Variants in KCNIP4 observed in about 807,000 individuals in gnomAD.
KCNIP4 encodes Kv channel-interacting protein 4.
A neutral mutation model predicts 34.0 loss-of-function variants in KCNIP4; 12 were observed. The ratio of observed to expected loss-of-function variants is 0.35; its 90% CI spans 0.23 to 0.57. The LOEUF (loss-of-function observed/expected upper bound fraction) is 0.57. Among genes scored for constraint, KCNIP4 ranks in the 20% least tolerant of loss-of-function variants. The pLI is 0.83. For missense variants in KCNIP4, 238 were observed against 311.7 expected (o/e 0.76, Z 1.78); for synonymous variants, 124 against 102.2 (o/e 1.21, Z -1.29).
At chr4:20,950,884 T>G (rs1284535343) in intron 1 of KCNIP4, among the ~76,000 whole-genome samples, 1 of 152,130 alleles carries the variant, frequency 6.6e-6, no homozygotes, top group Non-Finnish European at 1.5e-5. Context: ...TCTTCCCCCA[T>G]TCTCCATTTT....
intron 1 of KCNIP4, among the ~76,000 whole-genome samples, chr4:21,570,046 G>A (rs16871476): frequency 0.065 from 9,848 of 152,098 alleles, 378 homozygotes; most frequent in Non-Finnish European, 0.089. Context: ...TGAAGCCATC[G>A]TTGTCTGCCT....
At chr4:20,946,781 A>G (rs116544986) in intron 1 of KCNIP4, among the ~76,000 whole-genome samples, 1,974 of 152,284 alleles carry the variant, frequency 0.013, 50 homozygotes, top group African/African-American at 0.045. Context: ...AGTACAGGAT[A>G]CCTATTCCAA....
intron 1 of KCNIP4, among the ~76,000 whole-genome samples, chr4:21,416,857 C>G (rs952567896): frequency 2.6e-5 from 4 of 152,116 alleles, no homozygotes; most frequent in Non-Finnish European, 1.5e-5. Flanking sequence ...GTTCAGGACT[C>G]AGACAGAAGA....
intron 1 of KCNIP4, among the ~76,000 whole-genome samples, chr4:21,172,878 G>A (rs1754116476): frequency 6.6e-6 from 1 of 152,150 alleles, no homozygotes; most frequent in Non-Finnish European, 1.5e-5. Context: ...TTCATTAAAG[G>A]TAGTTCTGAG....
intron 1 of KCNIP4, among the ~76,000 whole-genome samples, chr4:21,299,454 G>A (rs1310807262): frequency 6.6e-6 from 1 of 151,992 alleles, no homozygotes; most frequent in Non-Finnish European, 1.5e-5. Flanking sequence ...CCTAAAGGCG[G>A]TATATGTATT....
chr4:21,739,239 T>A (rs1017507734), intron 1 of KCNIP4, among the ~76,000 whole-genome samples: 1 of 152,154 alleles, frequency 6.6e-6, no homozygotes, highest in African/African-American at 2.4e-5. Context: ...TTCCAAAAAC[T>A]GTTGATGTAT....
chr4:21,872,116 C>G (rs1041573719), intron 1 of KCNIP4, among the ~76,000 whole-genome samples: 16 of 152,072 alleles, frequency 1.1e-4, no homozygotes, highest in African/African-American at 3.9e-4. Flanking sequence ...ATTCCCTGAC[C>G]TGGGAATCTC....
chr4:20,732,606 C>T (rs566900790), intron 7 of KCNIP4, 75 bp downstream of exon 7: 3 of 877,150 alleles, frequency 3.4e-6, no homozygotes, highest in African/African-American at 3.3e-5. Context: ...TCTTTTGAAT[C>T]ATCGTGGTGC....
intron 3 of KCNIP4, among the ~76,000 whole-genome samples, chr4:20,798,318 T>C (rs1475760983): frequency 6.6e-6 from 1 of 152,200 alleles, no homozygotes; most frequent in Admixed American, 6.5e-5. Flanking sequence ...TTGTGGCTCA[T>C]ATAGAAAGCT....
chr4:21,042,044 C>T (rs1361558495), intron 1 of KCNIP4, among the ~76,000 whole-genome samples: 1 of 152,204 alleles, frequency 6.6e-6, no homozygotes, highest in African/African-American at 2.4e-5. Context: ...ATGCTTCCAT[C>T]AGGGCTTGCT....
intron 3 of KCNIP4, among the ~76,000 whole-genome samples, chr4:20,842,146 T>C (rs924007304): frequency 6.6e-6 from 1 of 152,136 alleles, no homozygotes; most frequent in Non-Finnish European, 1.5e-5. Flanking sequence ...TTACCTGTCT[T>C]TTTTTGTCAG....
chr4:21,278,815 A>T (rs2109159075), intron 1 of KCNIP4, among the ~76,000 whole-genome samples: 1 of 152,320 alleles, frequency 6.6e-6, no homozygotes. Flanking sequence ...ATACATATAC[A>T]GAAACTTTGG....
At chr4:20,930,147 A>G (rs983221711) in intron 1 of KCNIP4, among the ~76,000 whole-genome samples, 5 of 152,064 alleles carry the variant, frequency 3.3e-5, no homozygotes, top group Non-Finnish European at 5.9e-5. Flanking sequence ...TACAGTAATC[A>G]AAAACAGTAT....
chr4:21,772,912 A>G (rs761601218), intron 1 of KCNIP4, among the ~76,000 whole-genome samples: 2 of 151,808 alleles, frequency 1.3e-5, no homozygotes, highest in Non-Finnish European at 2.9e-5. Flanking sequence ...TCATGTCTCT[A>G]TCTCATTCAG....
chr4:21,029,196 G>C (rs565663481), intron 1 of KCNIP4, among the ~76,000 whole-genome samples: 1 of 152,112 alleles, frequency 6.6e-6, no homozygotes, highest in Non-Finnish European at 1.5e-5. Context: ...TAAGATGAGG[G>C]TAACTTCAAT....
intron 1 of KCNIP4, among the ~76,000 whole-genome samples, chr4:21,181,791 C>T (rs1238315288): frequency 6.6e-6 from 1 of 152,034 alleles, no homozygotes; most frequent in Non-Finnish European, 1.5e-5. Flanking sequence ...GTAATTCTTT[C>T]CTTTGGGCCT....
At chr4:21,335,855 T>C (rs1716126337) in intron 1 of KCNIP4, among the ~76,000 whole-genome samples, 1 of 152,108 alleles carries the variant, frequency 6.6e-6, no homozygotes, top group Non-Finnish European at 1.5e-5. Context: ...TAAAGAATAA[T>C]ACAACAAGCA....
chr4:21,618,630 C>CTTTTTCTTTTT (rs1280886806), intron 1 of KCNIP4, among the ~76,000 whole-genome samples: 35 of 81,780 alleles, frequency 4.3e-4, no homozygotes, highest in Non-Finnish European at 4.9e-4. Flanking sequence ...TTTTCTTTTT[C>CTTTTTCTTTTT]TTTTTTTTTT....
chr4:21,944,395 GA>G (rs935261349), intron 1 of KCNIP4, among the ~76,000 whole-genome samples: 31 of 146,562 alleles, frequency 2.1e-4, no homozygotes, highest in East Asian at 5.9e-4. Context: ...AATACAAAAA[GA>G]AAAAAAAAAT....
Sources: allele counts gnomAD v4.1 joint callset (sites outside exome capture counted in the v4.1 genomes callset), GRCh38; gene constraint gnomAD v4.1.1; transcripts MANE v1.5; gene names NCBI Gene and HGNC (gene_info 2026-07-23, HGNC 2026-07-21).